The following ANO5 variants were observed in gnomAD, a reference collection of about 807,000 sequenced individuals.
ANO5 encodes the protein anoctamin-5.
In ANO5, 109 loss-of-function variants were observed where a neutral mutation model predicts 121.0. The observed-to-expected ratio is 0.90, with a 90% CI of 0.77 to 1.06. The LOEUF is 1.06. Ranked by LOEUF, ANO5 falls within the 50% of genes least tolerant of loss-of-function variation. The pLI is 0.00. For missense variants in ANO5, 1,064 were observed against 1,078.5 expected (o/e 0.99, Z 0.19); for synonymous variants, 406 against 359.9 (o/e 1.13, Z -1.45).
At chr11:22,235,264 T>A (rs1232146032) in intron 7 of ANO5, among the ~76,000 whole-genome samples, 2 of 152,018 alleles carry the variant, frequency 1.3e-5, no homozygotes, top group African/African-American at 4.8e-5. Context: ...AAGAGAGAGT[T>A]CTTATTGTGG....
At chr11:22,271,669 AATTT>A (rs1164895008) in intron 18 of ANO5, among the ~76,000 whole-genome samples, 1 of 151,300 alleles carries the variant, frequency 6.6e-6, no homozygotes, top group Admixed American at 6.5e-5. Context: ...AGACATAATT[AATTT>A]ATTCTGAAAA....
In ANO5 at chr11:22,263,101, A is replaced by G. The variant is rs538143555; in HGVS notation, c.1898+58A>G. On this transcript the variant is annotated intron_variant, in intron 17 of 21. Transcript: ENST00000324559. ...TAAGTAACCATGAGATATTTCCTCTAGAAGAAGATGGAATTTTTTGATTAC... is the reference window on the plus strand; with the variant it reads ...TAAGTAACCATGAGATATTTCCTCTGGAAGAAGATGGAATTTTTTGATTAC... 122 of 1,436,382 alleles carry G rather than the reference A, an allele frequency of 8.5e-5. No homozygotes were observed. In the South Asian group the frequency reaches 1.4e-3, roughly 16 times the overall value. The allele number at this position is 1,436,382 out of a possible 1,614,324, so 89.0% of individuals were successfully genotyped here.
At chr11:22,234,739 T>A (rs752560782) in intron 7 of ANO5, among the ~76,000 whole-genome samples, 31 of 152,154 alleles carry the variant, frequency 2.0e-4, no homozygotes, top group Non-Finnish European at 3.5e-4. Context: ...AGTTTCTTCC[T>A]TTTGTTGTTA....
At chr11:22,247,640 T>A (rs1853669282) in intron 9 of ANO5, among the ~76,000 whole-genome samples, 1 of 152,122 alleles carries the variant, frequency 6.6e-6, no homozygotes, top group South Asian at 2.1e-4. Context: ...GGAATCTGAG[T>A]TCCTAGATTT....
At position 22,270,387 on chromosome 11, in the gene ANO5, T is replaced by TC; in HGVS notation, c.1975dup (p.His659ProfsTer2). On this transcript the variant is annotated frameshift_variant, in exon 18 of 22. Coordinates refer to ENST00000324559, the MANE Select transcript of ANO5 (RefSeq NM_213599.3). LOFTEE classifies it high-confidence loss of function. Reference sequence around the variant, plus strand: ...AGCTGTATAGTCGATGGGAGCAGGATCATGACCTTGAAAGTTTTGGACCCC... The same window carrying TC: ...AGCTGTATAGTCGATGGGAGCAGGATCCATGACCTTGAAAGTTTTGGACCCC... 1 of 1,614,180 alleles carries TC rather than the reference T, an allele frequency of 6.2e-7. No homozygotes were observed. The highest frequency in any genetic ancestry group is 2.2e-5 in the East Asian group (1 of 44,876).
At chr11:22,277,603 C>G (rs1198135912) in intron 21 of ANO5, among the ~76,000 whole-genome samples, 1 of 151,318 alleles carries the variant, frequency 6.6e-6, no homozygotes, top group East Asian at 1.9e-4. Context: ...GAACATATTT[C>G]TTTTATTATA....
intron 9 of ANO5, among the ~76,000 whole-genome samples, chr11:22,243,327 T>C (rs1264499932): frequency 2.0e-5 from 3 of 152,104 alleles, no homozygotes; most frequent in African/African-American, 7.2e-5. Context: ...AGTATTTTGT[T>C]GACAACTTTT....
At chr11:22,202,530 C>T (rs186180891) in intron 1 of ANO5, among the ~76,000 whole-genome samples, 2 of 152,148 alleles carry the variant, frequency 1.3e-5, no homozygotes, top group African/African-American at 2.4e-5. Context: ...ATTTATTTCT[C>T]ACAGTTCTGG....
intron 1 of ANO5, among the ~76,000 whole-genome samples, chr11:22,198,022 A>C (rs1384338780): frequency 6.6e-6 from 1 of 152,180 alleles, no homozygotes; most frequent in African/African-American, 2.4e-5. Flanking sequence ...GTCTGAGTCT[A>C]TGGTCTGTGT....
At chr11:22,272,418 T>C (rs1304964385) in intron 18 of ANO5, among the ~76,000 whole-genome samples, 8 of 151,126 alleles carry the variant, frequency 5.3e-5, no homozygotes, top group Admixed American at 1.3e-4. Flanking sequence ...GCTAGCAAGA[T>C]AGAAAAACTT....
chr11:22,268,487 A>G (rs752518430), intron 17 of ANO5, among the ~76,000 whole-genome samples: 4 of 152,214 alleles, frequency 2.6e-5, no homozygotes, highest in Non-Finnish European at 5.9e-5. Flanking sequence ...GGAATGAAAT[A>G]TATTAATAAA....
chr11:22,194,008 T>A (rs1182817578), intron 1 of ANO5, among the ~76,000 whole-genome samples: 1 of 152,230 alleles, frequency 6.6e-6, no homozygotes, highest in Non-Finnish European at 1.5e-5. Context: ...CCGTTACTTA[T>A]CATGCTTTGA....
rs776859202 is a variant in ANO5 at position 22,225,988 on chromosome 11, GAAGAA to G, written c.304_308del (p.Lys102ValfsTer2). On this transcript the variant is annotated frameshift_variant, in exon 6 of 22. Transcript: ENST00000324559. LOFTEE classifies it high-confidence loss of function. ...GTTGATTTTTTTTTGTCATAGGAAA[GAAGAA>G]AAGAGTTTGAAACTAATCTCAGAAA... 2.4e-5 allele frequency: 38 copies of G among 1,605,800 alleles called. No homozygotes were observed. The highest frequency in any genetic ancestry group is 2.6e-5 in the Non-Finnish European group (31 of 1,173,358).
intron 20 of ANO5, 46 bp downstream of exon 20, chr11:22,274,793 G>A: frequency 1.3e-6 from 2 of 1,594,840 alleles, no homozygotes; most frequent in Non-Finnish European, 1.7e-6. Context: ...TATCCCTTAA[G>A]CGTATTTCTT....
intron 7 of ANO5, among the ~76,000 whole-genome samples, chr11:22,234,712 T>A (rs1397886486): frequency 1.3e-5 from 2 of 152,162 alleles, no homozygotes; most frequent in African/African-American, 4.8e-5. Context: ...TTCTTTTACA[T>A]CTATCCTTAC....
At chr11:22,251,140 C>A in intron 12 of ANO5, 129 bp downstream of exon 12, 2 of 937,468 alleles carry the variant, frequency 2.1e-6, no homozygotes, top group Middle Eastern at 3.1e-4. Context: ...TCTTTGTTAG[C>A]ATTAATATAC....
chr11:22,214,239 G>A (rs1256630179), intron 3 of ANO5, among the ~76,000 whole-genome samples: 4 of 151,756 alleles, frequency 2.6e-5, no homozygotes, highest in African/African-American at 9.7e-5. Flanking sequence ...TGTTTCCTTG[G>A]TATACCCCTA....
Position 22,259,948 on chromosome 11 carries a change from G to GAA in ANO5, c.1630+220_1630+221dup, listed in dbSNP as rs36077990. Among the ~76,000 whole-genome samples, 15,885 of 142,150 alleles carry GAA rather than the reference G, an allele frequency of 0.11. 944 individuals are homozygous for GAA. Among genetic ancestry groups the GAA allele is most frequent in the African/African-American group, 0.16 (6,090 of 38,166 alleles). The allele number at this position is 142,150 out of a possible 152,430, so 93.3% of individuals were successfully genotyped here. Reference sequence around the variant, plus strand: ...TTATAAAGGAAGAGGCAAAATAACTGAAAAAAAAAAAAAAGAATTCTGACT... The same window carrying GAA: ...TTATAAAGGAAGAGGCAAAATAACTGAAAAAAAAAAAAAAAAGAATTCTGACT... On this transcript the variant is annotated intron_variant, in intron 15 of 21. Coordinates refer to ENST00000324559, the MANE Select transcript of ANO5 (RefSeq NM_213599.3).
chr11:22,258,523 T>G (rs1449249850), intron 14 of ANO5, among the ~76,000 whole-genome samples: 1 of 152,226 alleles, frequency 6.6e-6, no homozygotes, highest in East Asian at 1.9e-4. Flanking sequence ...AATAAAATTC[T>G]CTAATGATTG....
Sources: gnomAD v4.1 joint callset for allele counts (sites outside exome capture counted in the v4.1 genomes callset) on GRCh38, gnomAD v4.1.1 for gene constraint, MANE v1.5 for transcripts, NCBI Gene and HGNC (gene_info 2026-07-23, HGNC 2026-07-21) for gene names.